The following ROBO1 variants were observed in gnomAD, a reference collection of about 807,000 sequenced individuals.
The protein encoded by ROBO1 is roundabout homolog 1.
A neutral mutation model predicts 195.9 loss-of-function variants in ROBO1; 149 were observed. The observed-to-expected ratio is 0.76, with a 90% confidence interval of 0.67 to 0.87. ROBO1 has a LOEUF of 0.87. Ranked by LOEUF, ROBO1 falls within the 40% of genes least tolerant of loss-of-function variation. The pLI is 0.00. For synonymous variants in ROBO1, 816 were observed against 733.2 expected (o/e 1.11, Z -1.82); for missense variants, 1,933 against 2,068.3 (o/e 0.93, Z 1.27).
At chr3:78,680,472 C>A (rs1029359801) in intron 10 of ROBO1, among the ~76,000 whole-genome samples, 14 of 151,740 alleles carry the variant, frequency 9.2e-5, no homozygotes, top group Non-Finnish European at 1.3e-4. Flanking sequence ...CAATGAACTC[C>A]AACAAATTTA....
intron 1 of ROBO1, among the ~76,000 whole-genome samples, chr3:79,623,455 AT>A (rs962323944): frequency 2.6e-5 from 4 of 152,202 alleles, no homozygotes; most frequent in Admixed American, 2.0e-4. Context: ...CATTGATAAA[AT>A]GTTAGAGGAA....
intron 4 of ROBO1, among the ~76,000 whole-genome samples, chr3:78,759,656 T>C (rs918127176): frequency 6.6e-6 from 1 of 152,194 alleles, no homozygotes; most frequent in Non-Finnish European, 1.5e-5. Context: ...CCCACCGAAT[T>C]TTATCCTCAT....
At chr3:79,013,295 G>A (rs530319942) in intron 3 of ROBO1, among the ~76,000 whole-genome samples, 1 of 152,228 alleles carries the variant, frequency 6.6e-6, no homozygotes, top group South Asian at 2.1e-4. Flanking sequence ...AATACAACTC[G>A]AAAGCCACGT....
intron 2 of ROBO1, among the ~76,000 whole-genome samples, chr3:79,365,555 T>C (rs947925685): frequency 6.6e-6 from 1 of 152,104 alleles, no homozygotes; most frequent in Admixed American, 6.5e-5. Context: ...ATTGAGTCTA[T>C]CAACTTGCAG....
intron 1 of ROBO1, among the ~76,000 whole-genome samples, chr3:79,657,105 C>T (rs1183882615): frequency 6.6e-6 from 1 of 151,876 alleles, no homozygotes; most frequent in Non-Finnish European, 1.5e-5. Flanking sequence ...TTAGTTAATT[C>T]AAAAAATATG....
rs185338152 is a variant in ROBO1 at position 79,690,314 on chromosome 3, C to A, written c.-51+77438G>T. Among the ~76,000 whole-genome samples, 3 of 151,998 alleles carry A rather than the reference C, an allele frequency of 2.0e-5. No homozygotes were observed. The East Asian group carries it at 5.8e-4, about 30-fold the overall frequency. ...ACACAAATCCTAAAAAGCAAAGAAC[C>A]TTTCCTGGCTGTGGTTAGAGAGAGA... On this transcript the variant is annotated intron_variant, in intron 1 of 30. Transcript: ENST00000464233.
chr3:79,318,858 C>T (rs973398781), intron 2 of ROBO1, among the ~76,000 whole-genome samples: 2 of 152,114 alleles, frequency 1.3e-5, no homozygotes, highest in Non-Finnish European at 2.9e-5. Context: ...GTGAACCACA[C>T]TATCTGTTTT....
At chr3:78,961,786 C>A (rs1006303618) in intron 3 of ROBO1, among the ~76,000 whole-genome samples, 7 of 151,998 alleles carry the variant, frequency 4.6e-5, no homozygotes, top group African/African-American at 1.7e-4. Flanking sequence ...ACTGCATAGA[C>A]CCATAATTTT....
At chr3:79,090,098 C>T (rs1009106136) in intron 3 of ROBO1, among the ~76,000 whole-genome samples, 3 of 151,904 alleles carry the variant, frequency 2.0e-5, no homozygotes, top group Non-Finnish European at 4.4e-5. Context: ...CACCACCATG[C>T]CCAGCTAATT....
chr3:79,252,163 A>T lies in ROBO1; in HGVS notation c.89-126624T>A, dbSNP rs2082741831. 2.0e-5 allele frequency among the ~76,000 whole-genome samples: 3 copies of T among 152,142 alleles called. No homozygotes were observed. In the South Asian group the frequency reaches 6.2e-4, roughly 32 times the overall value. ...CACGTATTTTATTATTTCTGGTCATATATTGAAATTATTAATATTAAATAT... is the reference window on the plus strand; with the variant it reads ...CACGTATTTTATTATTTCTGGTCATTTATTGAAATTATTAATATTAAATAT... On this transcript the variant is annotated intron_variant, in intron 2 of 30. Coordinates refer to ENST00000464233, the MANE Select transcript of ROBO1 (RefSeq NM_002941.4).
chr3:79,389,239 T>C (rs2036862130), intron 2 of ROBO1, among the ~76,000 whole-genome samples: 1 of 151,926 alleles, frequency 6.6e-6, no homozygotes, highest in Admixed American at 6.6e-5. Flanking sequence ...ATAAAATGAA[T>C]AATATAACTA....
chr3:78,683,491 C>T lies in ROBO1; in HGVS notation c.1342+2255G>A, dbSNP rs144055233. On this transcript the variant is annotated intron_variant, in intron 10 of 30. Coordinates refer to ENST00000464233, the MANE Select transcript of ROBO1 (RefSeq NM_002941.4). Reference sequence around the variant, plus strand: ...CAAAACAAGGAAAGAAAGGTGGAGACTTATACCACCAGTTTTTAAGACTTA... The same window carrying T: ...CAAAACAAGGAAAGAAAGGTGGAGATTTATACCACCAGTTTTTAAGACTTA... Among the ~76,000 whole-genome samples the T allele has an allele frequency of 4.7e-3, 712 of 152,066 alleles. 9 individuals carry two copies. The highest frequency in any genetic ancestry group is 0.015 in the African/African-American group (624 of 41,500).
intron 2 of ROBO1, among the ~76,000 whole-genome samples, chr3:79,233,813 T>C (rs900165291): frequency 6.6e-6 from 1 of 152,152 alleles, no homozygotes; most frequent in Non-Finnish European, 1.5e-5. Flanking sequence ...ACCAACAGTA[T>C]ATATGTTCCC....
chr3:78,865,764 C>T (rs1294939563), intron 4 of ROBO1, among the ~76,000 whole-genome samples: 3 of 152,016 alleles, frequency 2.0e-5, no homozygotes, highest in African/African-American at 2.4e-5. Context: ...AGCCACCGTG[C>T]CTGGCCATGG....
chr3:78,750,163 G>A lies in ROBO1; in HGVS notation c.500-3263C>T, dbSNP rs567673668. The stretch of plus-strand genomic sequence containing the variant: ...TAGAAGGTTTTTTCTTTAAAAAAAA[G>A]TGGTTCACTGGGCCGGGCGCAGTGG... On this transcript the variant is annotated intron_variant, in intron 4 of 30. Coordinates refer to ENST00000464233, the MANE Select transcript of ROBO1 (RefSeq NM_002941.4). 3.0e-3 allele frequency among the ~76,000 whole-genome samples: 456 copies of A among 152,056 alleles called. 6 individuals carry two copies. Among genetic ancestry groups the A allele is most frequent in the African/African-American group, 0.01 (418 of 41,482 alleles).
At chr3:79,698,480 G>A (rs1038992854) in intron 1 of ROBO1, among the ~76,000 whole-genome samples, 1 of 151,320 alleles carries the variant, frequency 6.6e-6, no homozygotes, top group Non-Finnish European at 1.5e-5. Flanking sequence ...AAATATATAT[G>A]ATAGATAATA....
intron 3 of ROBO1, among the ~76,000 whole-genome samples, chr3:79,020,012 T>C (rs2078065825): frequency 6.6e-6 from 1 of 152,208 alleles, no homozygotes; most frequent in South Asian, 2.1e-4. Flanking sequence ...GATATCCAAA[T>C]CATAAGGCAC....
At chr3:79,250,870 C>T (rs1029472932) in intron 2 of ROBO1, among the ~76,000 whole-genome samples, 2 of 152,044 alleles carry the variant, frequency 1.3e-5, no homozygotes, top group African/African-American at 4.8e-5. Context: ...GACTCATTAA[C>T]ATGGAGAAAC....
chr3:78,606,641 T>A (rs1048683696), intron 29 of ROBO1, 92 bp downstream of exon 29: 24 of 1,313,062 alleles, frequency 1.8e-5, no homozygotes, highest in Non-Finnish European at 2.6e-5. Flanking sequence ...CTTCTTAATC[T>A]TACCACTTTT....
Sources: allele counts gnomAD v4.1 joint callset (sites outside exome capture counted in the v4.1 genomes callset), GRCh38; gene constraint gnomAD v4.1.1; transcripts MANE v1.5; gene names NCBI Gene and HGNC (gene_info 2026-07-23, HGNC 2026-07-21).